The following PKD1 variants were observed in gnomAD, a reference collection of about 807,000 sequenced individuals.
The protein encoded by PKD1 is polycystin 1, transient receptor potential channel interacting.
PKD1 carries 81 observed loss-of-function variants against 361.7 expected under a neutral mutation model. That is an observed-to-expected ratio of 0.22 (90% confidence interval 0.19 to 0.27). The LOEUF is 0.27. Ranked by LOEUF, PKD1 falls within the 10% of genes least tolerant of loss-of-function variation. PKD1 has a pLI of 1.00. For synonymous variants in PKD1, 3,615 were observed against 2,818.3 expected, an observed-to-expected ratio of 1.28 and a Z score of -8.95; for missense variants, 6,399 against 6,118.3, an observed-to-expected ratio of 1.05 and a Z score of -1.53.
intron 1 of PKD1, among the ~76,000 whole-genome samples, chr16:2,125,892 C>G (rs992067783): frequency 6.6e-6 from 1 of 152,170 alleles, no homozygotes; most frequent in South Asian, 2.1e-4. Flanking sequence ...GATGGGCACA[C>G]TGAGGCTCAA....
At chr16:2,127,750 G>C (rs1483531418) in intron 1 of PKD1, among the ~76,000 whole-genome samples, 1 of 151,316 alleles carries the variant, frequency 6.6e-6, no homozygotes, top group African/African-American at 2.4e-5. Context: ...AACTGAGGCT[G>C]AGAGACTGGA....
At chr16:2,131,577 G>C (rs1596626370) in intron 1 of PKD1, among the ~76,000 whole-genome samples, 1 of 151,970 alleles carries the variant, frequency 6.6e-6, no homozygotes, top group Non-Finnish European at 1.5e-5. Flanking sequence ...CCAGCACTTT[G>C]GGAGGCCGAG....
intron 12 of PKD1, 76 bp from the exon 13 acceptor site, chr16:2,113,039 A>C: frequency 6.9e-7 from 1 of 1,456,636 alleles, no homozygotes; most frequent in Non-Finnish European, 9.5e-7. Context: ...CCCTCCACTC[A>C]CCCACAGCCA....
Position 2,088,734 on chromosome 16 carries a change from C to CTT in PKD1, c.*991_*992dup, listed in dbSNP as rs150008139. ...TGCAGTCAGACAGCTCTTTTATTGA[C>CTT]TTTGTCTGCTTGGTGCGGGGGTTGG... On this transcript the variant is annotated 3_prime_UTR_variant, in exon 46 of 46. Transcript: ENST00000262304. The CTT allele has an allele frequency of 1.2e-4, 164 of 1,334,966 alleles. 1 individual carries two copies. The East Asian group carries it at 2.5e-3, about 20-fold the overall frequency. 82.7% of individuals were successfully genotyped at this position (1,334,966 alleles called of 1,614,324 possible). A position where few individuals can be genotyped will look rare whatever the true frequency, so the allele number is the denominator to read the frequency against.
At position 2,103,855 on chromosome 16, in the gene PKD1, T is replaced by G; in HGVS notation, c.8202A>C (p.Pro2734=). The G allele has an allele frequency of 7.5e-6, 12 of 1,600,324 alleles. No homozygotes were observed. The highest frequency in any genetic ancestry group is 1.0e-5 in the Non-Finnish European group (12 of 1,177,100). ...ACTCGGCTCCCAGCTCTGAGGGCTG[T>G]GGTGCCCGCACGTCCGAGCTGGCCA... The part of the protein sequence containing the change: ...IHLASSDVRA[P]QPSELGAESP... Residue 2734 remains proline (P), a synonymous_variant, in exon 23 of 46, where the codon CCA becomes CCC. Transcript: ENST00000262304.
rs548315959 is a variant in PKD1 at position 2,109,730 on chromosome 16, C to T, written c.5437G>A (p.Gly1813Arg). The T allele has an allele frequency of 2.5e-5, 40 of 1,607,660 alleles. No homozygotes were observed. The highest frequency in any genetic ancestry group is 2.2e-4 in the Middle Eastern group (1 of 4,448). The change falls in exon 15 of 46, where the codon GGA becomes AGA. Residue 1813 changes from glycine to arginine, a missense_variant. Physicochemically the swap from Gly to Arg is moderately radical, Grantham distance 125 (BLOSUM62 -2). Transcript: ENST00000262304. ...SGLSIRASEP[G>R]GSFVAAGSSV... is the part of the protein sequence containing the mutation. ...GACCCGGCCGCCACGAAGCTGCCTC[C>T]GGGCTCGCTGGCCCTGATGCTGAGG...
At position 2,089,444 on chromosome 16, in the gene PKD1, TG is replaced by T; in HGVS notation, c.*282del. The stretch of plus-strand genomic sequence containing the variant: ...GGGGGTGGGGCCGGGCACAGCCCGC[TG>T]TACCTGAGGACTCGGGGAAATAAAT... On this transcript the variant is annotated 3_prime_UTR_variant, in exon 46 of 46. Transcript: ENST00000262304. 1 of 514,036 alleles carries T rather than the reference TG, an allele frequency of 1.9e-6. No homozygotes were observed. Among genetic ancestry groups the T allele is most frequent in the East Asian group, 3.3e-5 (1 of 29,864 alleles). 31.8% of individuals were successfully genotyped at this position (514,036 alleles called of 1,614,324 possible). A position where few individuals can be genotyped will look rare whatever the true frequency, so the allele number is the denominator to read the frequency against.
rs1433246460 is a variant in PKD1, at chr16:2,100,978, G to A, written c.9398-412C>T. On this transcript the variant is annotated intron_variant, in intron 26 of 45. Coordinates refer to ENST00000262304, the MANE Select transcript of PKD1 (RefSeq NM_001009944.3). This position sits in a 1 kb window ranked among gnomAD's most constrained non-coding sequence, Gnocchi z 4.4. ...TCCTCTCCCAGTGACAGACCCAGGT[G>A]ACAGTATTTTTTTTCTTTTTTTTTT... 3.3e-5 allele frequency among the ~76,000 whole-genome samples: 5 copies of A among 152,130 alleles called. No individual in the cohort carries two copies. Among genetic ancestry groups the A allele is most frequent in the Admixed American group, 3.3e-4 (5 of 15,278 alleles).
chr16:2,115,246 G>T lies in PKD1; in HGVS notation c.2097+132C>A. ...GCCGAGGGCACTGCAGAGGTCGGAG[G>T]TCAGAGGTGGCAAGGACGTGGGAGG... is the stretch of plus-strand genomic sequence containing the variant. On this transcript the variant is annotated intron_variant, in intron 10 of 45. Coordinates refer to ENST00000262304, the MANE Select transcript of PKD1 (RefSeq NM_001009944.3). 5 of 1,091,494 alleles carry T rather than the reference G, an allele frequency of 4.6e-6. No homozygotes were observed. The East Asian group carries it at 1.0e-4, about 23-fold the overall frequency. 67.6% of individuals were successfully genotyped at this position (1,091,494 alleles called of 1,614,324 possible).
At chr16:2,119,701 C>T in intron 1 of PKD1, 1 of 604,374 alleles carries the variant, frequency 1.7e-6, no homozygotes, top group Non-Finnish European at 2.9e-6. Flanking sequence ...GGCCCCCCAT[C>T]CCCTGTCCAC....
At chr16:2,119,269 G>A (rs1317791191) in intron 2 of PKD1, 38 bp downstream of exon 2, 5 of 1,174,498 alleles carry the variant, frequency 4.3e-6, no homozygotes, top group South Asian at 2.6e-5. Context: ...CCCACCCGGA[G>A]TGAGCCCCGC....
At chr16:2,108,065 G>A (rs1398882017) in intron 15 of PKD1, 33 bp from the exon 16 acceptor site, 4 of 1,586,066 alleles carry the variant, frequency 2.5e-6, no homozygotes, top group African/African-American at 2.7e-5. Context: ...GACGTGGCCT[G>A]AGAGCCCCAT....
chr16:2,103,787 G>A lies in PKD1; in HGVS notation c.8270C>T (p.Ser2757Phe), dbSNP rs746182541. Residue 2757 changes from serine (S) to phenylalanine (F), a missense_variant, in exon 23 of 46, where the codon TCT (serine) becomes TTT (phenylalanine). Physicochemically the swap from Ser to Phe is radical, Grantham distance 155 (BLOSUM62 -2). Transcript: ENST00000262304. ...MVASQAYNLT[S>F]ALMRILMRSR... ...GCGCATGAGGATGCGCATGAGGGCA[G>A]AGGTCAGGTTGTAGGCCTGGGACGC... 54 of 1,609,700 alleles carry A rather than the reference G, an allele frequency of 3.4e-5. No homozygotes were observed. Among genetic ancestry groups the A allele is most frequent in the Non-Finnish European group, 4.3e-5 (51 of 1,179,634 alleles).
intron 30 of PKD1, chr16:2,099,347 G>A (rs374973646): frequency 4.6e-6 from 2 of 432,904 alleles, no homozygotes; most frequent in Non-Finnish European, 8.7e-6. Flanking sequence ...GTGCATTTCG[G>A]AAGCGTGCAC....
chr16:2,109,813 T>A lies in PKD1; in HGVS notation c.5354A>T (p.Asn1785Ile). The change falls in exon 15 of 46, where the codon AAC (asparagine) becomes ATC (isoleucine). Residue 1785 changes from asparagine (N) to isoleucine (I), a missense_variant. Asn to Ile is a moderately radical substitution (Grantham distance 149). Transcript: ENST00000262304. Reference sequence around the variant, plus strand: ...GGTGGCGTTGGCTGAGCCCAGCGGGTTCCCTGCCGTCATGGTGACCAAGTG... The same window carrying A: ...GGTGGCGTTGGCTGAGCCCAGCGGGATCCCTGCCGTCATGGTGACCAAGTG... ...GLHLVTMTAG[N>I]PLGSANATVE... is the part of the protein sequence containing the mutation. 1 of 1,610,502 alleles carries A rather than the reference T, an allele frequency of 6.2e-7. No homozygotes were observed.
Position 2,110,245 on chromosome 16 carries a change from C to T in PKD1, c.4922G>A (p.Gly1641Asp), listed in dbSNP as rs1162137756. 1.2e-6 allele frequency: 2 copies of T among 1,612,000 alleles called. No homozygotes were observed. Among genetic ancestry groups the T allele is most frequent in the Non-Finnish European group, 1.7e-6 (2 of 1,179,676 alleles). The change falls in exon 15 of 46, where the codon GGC (glycine) becomes GAC (aspartate). Residue 1641 changes from glycine to aspartate, a missense_variant. Gly to Asp is a moderately conservative substitution (Grantham distance 94, BLOSUM62 -1). Coordinates refer to ENST00000262304, the MANE Select transcript of PKD1 (RefSeq NM_001009944.3). ...CGTGTGGTTGGTGGGGAAGTAGCGG[C>T]CACCGCCCACCACCTGCAGCCCCTC... ...LIEGLQVVGG[G>D]RYFPTNHTVQ... is the part of the protein sequence containing the mutation.
chr16:2,090,928 C>A lies in PKD1; in HGVS notation c.11959G>T (p.Ala3987Ser), dbSNP rs1393724243. ...FDQVAQLSSA[A>S]RGLAASLLFL... ...AGCAGCGAGGCCGCCAGGCCACGGG[C>A]TGCGGAGCTCAGCTGCGCCACCTGG... The change falls in exon 43 of 46, where the codon GCC (alanine) becomes TCC (serine). Residue 3987 changes from alanine to serine, a missense_variant. Coordinates refer to ENST00000262304, the MANE Select transcript of PKD1 (RefSeq NM_001009944.3). 1.9e-6 allele frequency: 3 copies of A among 1,580,588 alleles called. No individual in the cohort carries two copies.
Position 2,117,664 on chromosome 16 carries a change from G to T in PKD1, c.1210C>A (p.Pro404Thr), listed in dbSNP as rs1447675122. Reference protein sequence around the residue: ...LGEEPARAVHPLCPSDTEIFP... With the variant: ...LGEEPARAVHTLCPSDTEIFP... ...ATCTCCGTGTCCGAGGGGCAGAGCGGGTGCACCGCTGGAGACCGGTGGGAA... is the reference window on the plus strand; with the variant it reads ...ATCTCCGTGTCCGAGGGGCAGAGCGTGTGCACCGCTGGAGACCGGTGGGAA... The change falls in exon 6 of 46, where the codon CCG (proline) becomes ACG (threonine). Residue 404 changes from proline to threonine, a missense_variant. Coordinates refer to ENST00000262304, the MANE Select transcript of PKD1 (RefSeq NM_001009944.3). 1 of 1,609,846 alleles carries T rather than the reference G, an allele frequency of 6.2e-7. No homozygotes were observed. The highest frequency in any genetic ancestry group is 1.3e-5 in the African/African-American group (1 of 74,826).
In PKD1 at chr16:2,088,978, T is replaced by C; in HGVS notation, c.*749A>G. The C allele has an allele frequency of 6.7e-6, 2 of 298,244 alleles. No homozygotes were observed. The highest frequency in any genetic ancestry group is 6.5e-6 in the Non-Finnish European group (1 of 154,764). The allele number at this position is 298,244 out of a possible 1,614,324, so 18.5% of individuals were successfully genotyped here. A position where few individuals can be genotyped will look rare whatever the true frequency, so the allele number is the denominator to read the frequency against. On this transcript the variant is annotated 3_prime_UTR_variant, in exon 46 of 46. Transcript: ENST00000262304. ...CCACCCTGGGGTCCTCTGACATGCC[T>C]AGTCCTGCTACTTGCCCAGACCTGA...
Sources: allele counts gnomAD v4.1 joint callset (sites outside exome capture counted in the v4.1 genomes callset), GRCh38; gene constraint gnomAD v4.1.1; non-coding constraint Gnocchi (gnomAD v3.1); transcripts MANE v1.5; gene names NCBI Gene and HGNC (gene_info 2026-07-23, HGNC 2026-07-21).